CENPX: variants seen among roughly 807,000 people sequenced by gnomAD.
CENPX encodes the protein centromere protein X, also known as FANCM associated histone fold protein 2.
Under a neutral mutation model 13.2 loss-of-function variants are expected in CENPX, and 13 were observed. The ratio of observed to expected loss-of-function variants is 0.98; its 90% confidence interval spans 0.64 to 1.56. The LOEUF (loss-of-function observed/expected upper bound fraction) is 1.56. Among genes scored for constraint, CENPX ranks in the 40% most tolerant of loss-of-function variants. The pLI is 0.00. For synonymous variants in CENPX, 66 were observed against 47.2 expected, an observed-to-expected ratio of 1.40 and a Z score of -1.63; for missense variants, 138 against 107.5, an observed-to-expected ratio of 1.28 and a Z score of -1.26.
chr17:82,019,963 C>G (rs561590724), intron 1 of CENPX, 54 bp from the exon 2 acceptor site: 104 of 1,478,818 alleles, frequency 7.0e-5, no homozygotes, highest in Middle Eastern at 4.0e-4. Flanking sequence ...CCGCACCCCC[C>G]AGGGTGGTGA....
chr17:82,019,361 G>T lies in CENPX; in HGVS notation c.163C>A (p.Arg55=). 6.4e-7 allele frequency: 1 copy of T among 1,560,440 alleles called. No homozygotes were observed. ...FVVEAAVRGV[R]QAQAEDALRV... ...AGCGCGTCTTCTGCCTGGGCCTGCC[G>T]CACGCCGCGGACTGCTGCTTCTGCG... The change falls in exon 4 of 5, where the codon CGG becomes AGG. Residue 55 remains arginine, a synonymous_variant. Coordinates refer to ENST00000392359, the MANE Select transcript of CENPX (RefSeq NM_001271006.2).
At chr17:82,021,613 C>G (rs2043284163) in intron 1 of CENPX, among the ~76,000 whole-genome samples, 2 of 152,230 alleles carry the variant, frequency 1.3e-5, no homozygotes, top group Non-Finnish European at 2.9e-5. Context: ...CTACGGGCCC[C>G]CCACTCCCCG....
At chr17:82,019,567 G>C in intron 3 of CENPX, 74 bp downstream of exon 3, 1 of 1,549,074 alleles carries the variant, frequency 6.5e-7, no homozygotes, top group Non-Finnish European at 8.7e-7. Flanking sequence ...GGGAAAACAC[G>C]TCTTGGTTTT....
chr17:82,022,343 C>G (rs1169131666), intron 1 of CENPX, among the ~76,000 whole-genome samples: 2 of 152,370 alleles, frequency 1.3e-5, no homozygotes, highest in African/African-American at 4.8e-5. Flanking sequence ...CCGAAGAAAC[C>G]ACGCGTTCCT....
At chr17:82,019,594 A>C (rs1279176050) in intron 3 of CENPX, 47 bp downstream of exon 3, 2 of 1,549,982 alleles carry the variant, frequency 1.3e-6, no homozygotes, top group East Asian at 2.4e-5. Context: ...GGAAAAACGC[A>C]AAATTCCGGA....
rs1193645015 is a variant in CENPX at position 82,018,851 on chromosome 17, G to A, written c.*354C>T. 6 of 344,576 alleles carry A rather than the reference G, an allele frequency of 1.7e-5. No individual in the cohort carries two copies. Among genetic ancestry groups the A allele is most frequent in the South Asian group, 1.5e-4 (1 of 6,684 alleles). The allele number at this position is 344,576 out of a possible 1,614,324, so 21.3% of individuals were successfully genotyped here. ...GGCAGGAATGTGGGCAGGAGGCAGC[G>A]CTGCCAGCTGCTGTTTGTCAAACAC... is the stretch of plus-strand genomic sequence containing the variant. On this transcript the variant is annotated 3_prime_UTR_variant, in exon 5 of 5. Transcript: ENST00000392359.
chr17:82,022,030 A>G (rs1172738205), intron 1 of CENPX, among the ~76,000 whole-genome samples: 2 of 152,168 alleles, frequency 1.3e-5, no homozygotes, highest in Non-Finnish European at 2.9e-5. Context: ...TTCCCAGGCC[A>G]CAGAGGCCCA....
At chr17:82,021,028 G>A (rs1210613970) in intron 1 of CENPX, among the ~76,000 whole-genome samples, 3 of 152,190 alleles carry the variant, frequency 2.0e-5, no homozygotes, top group Non-Finnish European at 4.4e-5. Flanking sequence ...GGGGCAGTGG[G>A]CACCCAGGAG....
intron 2 of CENPX, 78 bp from the exon 3 acceptor site, chr17:82,019,772 C>A: frequency 6.4e-7 from 1 of 1,554,224 alleles, no homozygotes; most frequent in East Asian, 2.4e-5. Context: ...CCCGCCCTCC[C>A]GAGGCCTTGG....
Position 82,019,037 on chromosome 17 carries a change from A to T in CENPX, c.*168T>A. 9.8e-7 allele frequency: 1 copy of T among 1,020,596 alleles called. No homozygotes were observed. The highest frequency in any genetic ancestry group is 1.4e-6 in the Non-Finnish European group (1 of 725,172). The allele number at this position is 1,020,596 out of a possible 1,614,324, so 63.2% of individuals were successfully genotyped here. A position where few individuals can be genotyped will look rare whatever the true frequency, so the allele number is the denominator to read the frequency against. On this transcript the variant is annotated 3_prime_UTR_variant, in exon 5 of 5. Coordinates refer to ENST00000392359, the MANE Select transcript of CENPX (RefSeq NM_001271006.2). ...CACTCCAAGGCCCGCAGTGCACTGC[A>T]GTCCTGCCCCTTCTGCACAGGCTGG...
At chr17:82,021,771 A>G (rs1041075856) in intron 1 of CENPX, among the ~76,000 whole-genome samples, 3 of 152,204 alleles carry the variant, frequency 2.0e-5, no homozygotes, top group Non-Finnish European at 4.4e-5. Flanking sequence ...CCTTTTGGCT[A>G]CTTTAACCTG....
rs763090942 is a variant in CENPX at position 82,019,229 on chromosome 17, A to C, written c.232-10T>G. The C allele has an allele frequency of 6.3e-7, 1 of 1,591,870 alleles. No homozygotes were observed. Among genetic ancestry groups the C allele is most frequent in the South Asian group, 1.1e-5 (1 of 89,428 alleles). On this transcript the variant is annotated splice_polypyrimidine_tract_variant and intron_variant, in intron 4 of 4. Coordinates refer to ENST00000392359, the MANE Select transcript of CENPX (RefSeq NM_001271006.2). ...CCTAGAAGTCCAGGAGCTGTGGGGA[A>C]GAGAAGCACTTAGGGCCAGCCAGCC...
At chr17:82,019,971 T>C (rs2043252926) in intron 1 of CENPX, 62 bp from the exon 2 acceptor site, 3 of 1,318,882 alleles carry the variant, frequency 2.3e-6, no homozygotes, top group Non-Finnish European at 2.0e-6. Flanking sequence ...CCCAGGGTGG[T>C]GACCATTCTG....
At position 82,022,873 on chromosome 17, in the gene CENPX, C is replaced by T. The variant is rs1199398102; in HGVS notation, c.-12G>A. ...CCTGCTCCCTCCATGACCGCAGCCT[C>T]AACGCGCGCCCACCGGAACCCCGCC... On this transcript the variant is annotated 5_prime_UTR_variant, in exon 1 of 5. Coordinates refer to ENST00000392359, the MANE Select transcript of CENPX (RefSeq NM_001271006.2). 1.9e-6 allele frequency: 3 copies of T among 1,587,052 alleles called. No individual in the cohort carries two copies. The highest frequency in any genetic ancestry group is 1.3e-5 in the African/African-American group (1 of 74,410).
rs779817436 is a variant in CENPX at position 82,022,849 on chromosome 17, C to T, written c.13G>A (p.Gly5Arg). 3.1e-6 allele frequency: 5 copies of T among 1,593,364 alleles called. No individual in the cohort carries two copies. The South Asian group carries it at 4.5e-5, about 14-fold the overall frequency. The change falls in exon 1 of 5, where the codon GGA becomes AGA. Residue 5 changes from glycine (G) to arginine (R), a missense_variant. Gly to Arg is a moderately radical substitution (Grantham distance 125, BLOSUM62 -2). Transcript: ENST00000392359. The part of the protein sequence containing the change: MEGA[G>R]AGSGFRKELV... ...ACCTTCCGGAAGCCGGATCCAGCTC[C>T]TGCTCCCTCCATGACCGCAGCCTCA...
intron 1 of CENPX, 28 bp downstream of exon 1, chr17:82,022,798 T>C (rs765829974): frequency 1.3e-6 from 2 of 1,568,804 alleles, no homozygotes; most frequent in Non-Finnish European, 1.7e-6. Context: ...CGTCCGCGCC[T>C]GCCTAGCCCC....
intron 1 of CENPX, 41 bp from the exon 2 acceptor site, chr17:82,019,950 C>T: frequency 6.7e-7 from 1 of 1,502,512 alleles, no homozygotes; most frequent in Non-Finnish European, 9.0e-7. Flanking sequence ...CCCGCCCTCC[C>T]CCCCGCACCC....
rs1427139785 is a variant in CENPX at position 82,019,147 on chromosome 17, G to A, written c.*58C>T. ...TATCAGAGGCCGCTGGAAACACAAG[G>A]CCTGCTTCTGTGGACCAGGGGCTCC... is the stretch of plus-strand genomic sequence containing the variant. On this transcript the variant is annotated 3_prime_UTR_variant, in exon 5 of 5. Transcript: ENST00000392359. The A allele has an allele frequency of 2.0e-6, 3 of 1,506,322 alleles. No homozygotes were observed. Among genetic ancestry groups the A allele is most frequent in the South Asian group, 2.7e-5 (2 of 74,014 alleles). 93.3% of individuals were successfully genotyped at this position (1,506,322 alleles called of 1,614,324 possible).
chr17:82,018,814 T>C lies in CENPX; in HGVS notation c.*391A>G. 6.5e-6 allele frequency: 2 copies of C among 306,776 alleles called. No individual in the cohort carries two copies. The highest frequency in any genetic ancestry group is 1.2e-5 in the Non-Finnish European group (2 of 166,726). 19.0% of individuals were successfully genotyped at this position (306,776 alleles called of 1,614,324 possible). Reference sequence around the variant, plus strand: ...TGGCTGGAAAGGTCACACGCCAGCTTTGATGTCGGGTGGCAGGAATGTGGG... The same window carrying C: ...TGGCTGGAAAGGTCACACGCCAGCTCTGATGTCGGGTGGCAGGAATGTGGG... On this transcript the variant is annotated 3_prime_UTR_variant, in exon 5 of 5. Transcript: ENST00000392359.
Sources: gnomAD v4.1 joint callset for allele counts (sites outside exome capture counted in the v4.1 genomes callset) on GRCh38, gnomAD v4.1.1 for gene constraint, MANE v1.5 for transcripts, NCBI Gene and HGNC (gene_info 2026-07-23, HGNC 2026-07-21) for gene names.